ATL1: variants seen among roughly 807,000 people sequenced by gnomAD.
ATL1 encodes atlastin GTPase 1.
Under a neutral mutation model 75.5 loss-of-function variants are expected in ATL1, and 31 were observed. The ratio of observed to expected loss-of-function variants is 0.41; its 90% CI spans 0.31 to 0.55. The LOEUF is 0.55. Among genes scored for constraint, ATL1 ranks in the 20% least tolerant of loss-of-function variants. The pLI, the probability that ATL1 is intolerant of heterozygous loss-of-function variation, is 0.27. For synonymous variants in ATL1, 226 were observed against 233.3 expected, an observed-to-expected ratio of 0.97 and a Z score of 0.28; for missense variants, 405 against 662.6, an observed-to-expected ratio of 0.61 and a Z score of 4.27.
chr14:50,631,279 CA>C (rs1364117082), intron 13 of ATL1, among the ~76,000 whole-genome samples: 1 of 148,842 alleles, frequency 6.7e-6, no homozygotes, highest in Non-Finnish European at 1.5e-5. Flanking sequence ...AAAACAAAAA[CA>C]AAAACAAAAA....
chr14:50,583,712 G>T (rs1362333360), intron 1 of ATL1, among the ~76,000 whole-genome samples: 1 of 152,188 alleles, frequency 6.6e-6, no homozygotes, highest in African/African-American at 2.4e-5. Flanking sequence ...TATATGGAAA[G>T]GGTTAAAATA....
At chr14:50,613,704 G>T (rs17122683) in intron 7 of ATL1, among the ~76,000 whole-genome samples, 1 of 151,928 alleles carries the variant, frequency 6.6e-6, no homozygotes, top group South Asian at 2.1e-4. Context: ...TTTCTGTGTC[G>T]TGCTGGTTCA....
intron 1 of ATL1, among the ~76,000 whole-genome samples, chr14:50,584,975 T>A (rs901857721): frequency 2.6e-5 from 4 of 151,910 alleles, no homozygotes; most frequent in Admixed American, 2.0e-4. Context: ...TCAAAATACA[T>A]AAAGAACTAC....
Position 50,560,237 on chromosome 14 carries a change from G to T in ATL1, c.-29G>T. The T allele has an allele frequency of 6.2e-7, 1 of 1,613,286 alleles. No individual in the cohort carries two copies. The highest frequency in any genetic ancestry group is 8.5e-7 in the Non-Finnish European group (1 of 1,179,590). Reference sequence around the variant, plus strand: ...AGAAGGCAGCGAGCGCAGTGACAGCGCCTCACCGCCACCAGCTCCTGGACC... The same window carrying T: ...AGAAGGCAGCGAGCGCAGTGACAGCTCCTCACCGCCACCAGCTCCTGGACC... On this transcript the variant is annotated 5_prime_UTR_variant, in exon 1 of 14. Coordinates refer to ENST00000358385, the MANE Select transcript of ATL1 (RefSeq NM_015915.5).
intron 1 of ATL1, among the ~76,000 whole-genome samples, chr14:50,562,129 C>T (rs1213450957): frequency 6.6e-6 from 1 of 151,966 alleles, no homozygotes; most frequent in South Asian, 2.1e-4. Context: ...ACTGCAAGCT[C>T]CACCTCCCGG....
intron 6 of ATL1, among the ~76,000 whole-genome samples, chr14:50,609,899 G>T (rs576697512): frequency 6.6e-6 from 1 of 151,658 alleles, no homozygotes; most frequent in Non-Finnish European, 1.5e-5. Context: ...GATTTTTTTT[G>T]TTCGTGATAC....
intron 6 of ATL1, among the ~76,000 whole-genome samples, chr14:50,610,697 TTTATTCAACAAATCTGTA>T (rs1434726886): frequency 6.6e-6 from 1 of 152,142 alleles, no homozygotes; most frequent in East Asian, 1.9e-4. Context: ...GAGAAAATGA[TTTATTCAACAAATCTGTA>T]TTAAGCACTG....
chr14:50,565,759 G>T (rs2140180418), intron 1 of ATL1, among the ~76,000 whole-genome samples: 2 of 152,198 alleles, frequency 1.3e-5, no homozygotes, highest in Middle Eastern at 6.8e-3. Flanking sequence ...GATCACCAGG[G>T]AAATAATCCA....
upstream of ATL1, chr14:50,559,096 C>T (rs765985320): frequency 5.3e-5 from 8 of 152,174 alleles, no homozygotes; most frequent in Non-Finnish European, 1.2e-4. Flanking sequence ...CAGAAGACTA[C>T]AAGTATAGAT....
At chr14:50,562,977 T>C (rs893210790) in intron 1 of ATL1, among the ~76,000 whole-genome samples, 2 of 152,186 alleles carry the variant, frequency 1.3e-5, no homozygotes, top group African/African-American at 2.4e-5. Flanking sequence ...ATGAAATAGG[T>C]GCTGTAATAC....
intron 1 of ATL1, among the ~76,000 whole-genome samples, chr14:50,541,682 C>A (rs191179491): frequency 2.6e-5 from 4 of 152,088 alleles, no homozygotes; most frequent in Non-Finnish European, 4.4e-5. Flanking sequence ...CTCTTGCAAC[C>A]CCAGTAGGAG....
At chr14:50,545,420 G>A (rs569403555) in intron 1 of ATL1, among the ~76,000 whole-genome samples, 2 of 152,312 alleles carry the variant, frequency 1.3e-5, no homozygotes, top group East Asian at 3.9e-4. Context: ...TCAGGAAGGG[G>A]TGTCTGCAGT....
intron 1 of ATL1, among the ~76,000 whole-genome samples, chr14:50,579,641 A>G (rs1043529392): frequency 5.9e-5 from 9 of 152,330 alleles, no homozygotes; most frequent in African/African-American, 2.2e-4. Flanking sequence ...ATCTGAGAAC[A>G]TGTATATCCC....
rs375946185 is a variant in ATL1 at position 50,617,027 on chromosome 14, A to G, written c.862+2516A>G. Among the ~76,000 whole-genome samples, 11 of 152,328 alleles carry G rather than the reference A, an allele frequency of 7.2e-5. No individual in the cohort carries two copies. In the East Asian group the frequency reaches 7.7e-4, roughly 11 times the overall value. ...AAAGTCTCCGAATAAACAATTATGC[A>G]AAAGTTGTTCTTTGATAATAGTTTC... On this transcript the variant is annotated intron_variant, in intron 8 of 13. Transcript: ENST00000358385.
chr14:50,548,621 T>A (rs989904756), intron 1 of ATL1, among the ~76,000 whole-genome samples: 3 of 152,178 alleles, frequency 2.0e-5, no homozygotes, highest in African/African-American at 7.2e-5. Context: ...GCCATTCTCC[T>A]GCCTCAGCCT....
intron 1 of ATL1, among the ~76,000 whole-genome samples, chr14:50,585,397 A>G (rs982608483): frequency 1.3e-5 from 2 of 152,154 alleles, no homozygotes; most frequent in African/African-American, 4.8e-5. Flanking sequence ...CCAAAATATT[A>G]TGTCTAGCTT....
At chr14:50,579,987 A>G (rs1010138848) in intron 1 of ATL1, among the ~76,000 whole-genome samples, 1 of 152,224 alleles carries the variant, frequency 6.6e-6, no homozygotes, top group Non-Finnish European at 1.5e-5. Flanking sequence ...CACTAAAAAT[A>G]ATTAAGTTAT....
rs777312137 is a variant in ATL1 at position 50,591,084 on chromosome 14, C to T, written c.417+9C>T. Reference sequence around the variant, plus strand: ...AACCTGATGGTAAAAAGGTATGATGCTAACTTCCTAAATAAAATTGAGTTT... The same window carrying T: ...AACCTGATGGTAAAAAGGTATGATGTTAACTTCCTAAATAAAATTGAGTTT... On this transcript the variant is annotated intron_variant, in intron 3 of 13. Transcript: ENST00000358385. The T allele has an allele frequency of 6.2e-7, 1 of 1,611,568 alleles. No homozygotes were observed.
intron 1 of ATL1, among the ~76,000 whole-genome samples, chr14:50,539,449 C>G (rs2038534336): frequency 6.6e-6 from 1 of 152,188 alleles, no homozygotes; most frequent in Non-Finnish European, 1.5e-5. Flanking sequence ...AATCCATTAT[C>G]TCTCATAGCT....
Sources: gnomAD v4.1 joint callset for allele counts (sites outside exome capture counted in the v4.1 genomes callset) on GRCh38, gnomAD v4.1.1 for gene constraint, MANE v1.5 for transcripts, NCBI Gene and HGNC (gene_info 2026-07-23, HGNC 2026-07-21) for gene names.